Variants in DOCK6 observed in about 807,000 individuals in gnomAD.
DOCK6 encodes dedicator of cytokinesis protein 6.
Under a neutral mutation model 230.3 loss-of-function variants are expected in DOCK6, and 167 were observed. That is an observed-to-expected ratio of 0.73 (90% CI 0.64 to 0.82). DOCK6 has a LOEUF of 0.82. DOCK6 is among the 40% of genes least tolerant of loss of function. The pLI is 0.00. For synonymous variants in DOCK6, 1,148 were observed against 1,185.0 expected (o/e 0.97, Z 0.64); for missense variants, 2,598 against 2,825.8 (o/e 0.92, Z 1.83).
At chr19:11,239,847 T>G (rs761644691) in intron 14 of DOCK6, 1 of 1,600,772 alleles carries the variant, frequency 6.2e-7, no homozygotes, top group Non-Finnish European at 8.5e-7. Flanking sequence ...TGGGTCTCTA[T>G]GGCCGCACAA....
rs954666993 is a variant in DOCK6 at position 11,219,182 on chromosome 19, T to G, written c.3551-1791A>C. Among the ~76,000 whole-genome samples the G allele has an allele frequency of 6.6e-4, 78 of 118,326 alleles. 1 individual carries two copies. Among genetic ancestry groups the G allele is most frequent in the Middle Eastern group, 5.0e-3 (1 of 200 alleles). The allele number at this position is 118,326 out of a possible 152,430, so 77.6% of individuals were successfully genotyped here. ...ATGAGCCACTGCGCCCGGTTTTTTT[T>G]TTTTTTTTTTTTTTTTTTTGAGATG... On this transcript the variant is annotated intron_variant, in intron 28 of 47. Transcript: ENST00000294618.
intron 13 of DOCK6, 114 bp from the exon 14 acceptor site, chr19:11,242,321 G>T: frequency 8.8e-7 from 1 of 1,133,230 alleles, no homozygotes; most frequent in Non-Finnish European, 1.1e-6. Flanking sequence ...GGGACTGGGG[G>T]CTGTGTCCCT....
chr19:11,253,741 A>T lies in DOCK6; in HGVS notation c.45-15T>A, dbSNP rs750013510. 28 of 1,468,418 alleles carry T rather than the reference A, an allele frequency of 1.9e-5. No individual in the cohort carries two copies. The Admixed American group carries it at 8.4e-4, about 44-fold the overall frequency. 91.0% of individuals were successfully genotyped at this position (1,468,418 alleles called of 1,614,324 possible). ...CGGCCACCGTCCTGGAAAGATAGGGAGGGGGCCATTGGGGACGGGAAAACT... is the reference window on the plus strand; with the variant it reads ...CGGCCACCGTCCTGGAAAGATAGGGTGGGGGCCATTGGGGACGGGAAAACT... On this transcript the variant is annotated splice_polypyrimidine_tract_variant and intron_variant, in intron 1 of 47. Coordinates refer to ENST00000294618, the MANE Select transcript of DOCK6 (RefSeq NM_020812.4).
rs1372042542 is a variant in DOCK6 at position 11,222,642 on chromosome 19, G to A, written c.3240+93C>T. 14 of 1,345,894 alleles carry A rather than the reference G, an allele frequency of 1.0e-5. No individual in the cohort carries two copies. The highest frequency in any genetic ancestry group is 2.5e-5 in the Admixed American group (1 of 39,940). 83.4% of individuals were successfully genotyped at this position (1,345,894 alleles called of 1,614,324 possible). ...TAGTTCACCTAGGCAGTGGTCCACCGTGAAAGGGACAGAGATGAGGGAACC... is the reference window on the plus strand; with the variant it reads ...TAGTTCACCTAGGCAGTGGTCCACCATGAAAGGGACAGAGATGAGGGAACC... On this transcript the variant is annotated intron_variant, in intron 26 of 47. Transcript: ENST00000294618. The surrounding 1 kb of genome is among the most constrained non-coding windows in gnomAD (Gnocchi z 4.0).
chr19:11,246,820 A>G (rs2080041967), intron 7 of DOCK6, among the ~76,000 whole-genome samples: 1 of 151,692 alleles, frequency 6.6e-6, no homozygotes. Flanking sequence ...TCCCTGTCTT[A>G]CTCCACCTTG....
rs573654195 is a variant in DOCK6 at position 11,201,996 on chromosome 19, G to A, written c.5581C>T (p.Arg1861Cys). The change falls in exon 44 of 48, where the codon CGC becomes TGC. Residue 1861 changes from arginine (R) to cysteine (C), a missense_variant. Coordinates refer to ENST00000294618, the MANE Select transcript of DOCK6 (RefSeq NM_020812.4). The surrounding 1 kb of genome is among the most constrained non-coding windows in gnomAD (Gnocchi z 4.3). ...LFCTPFTPDG[R>C]AHGELPEQHK... ...TGCTCGGGCAGCTCCCCGTGTGCGC[G>A]CCCATCCGGCGTGAACGGCGTGCAG... The A allele has an allele frequency of 3.7e-5, 60 of 1,613,880 alleles. No homozygotes were observed. The highest frequency in any genetic ancestry group is 2.7e-4 in the Admixed American group (16 of 60,000).
At position 11,248,109 on chromosome 19, in the gene DOCK6, C is replaced by T; in HGVS notation, c.763G>A (p.Glu255Lys). The change falls in exon 7 of 48, where the codon GAG (glutamate) becomes AAG (lysine). Residue 255 changes from glutamate to lysine, a missense_variant. Glu to Lys is a moderately conservative substitution (Grantham distance 56). Transcript: ENST00000294618. ...ERCSRPEPPR[E>K]HFGQRILVKC... ...ACCAAGATCCTTTGTCCAAAGTGCT[C>T]GCGGGGTGGCTCTGGGCGGCTACAG... 6 of 1,600,904 alleles carry T rather than the reference C, an allele frequency of 3.7e-6. No individual in the cohort carries two copies. The highest frequency in any genetic ancestry group is 5.1e-6 in the Non-Finnish European group (6 of 1,172,348).
chr19:11,217,293 C>T lies in DOCK6; in HGVS notation c.3649G>A (p.Ala1217Thr), dbSNP rs1342612871. The T allele has an allele frequency of 6.2e-7, 1 of 1,612,808 alleles. No homozygotes were observed. The highest frequency in any genetic ancestry group is 1.3e-5 in the African/African-American group (1 of 74,922). Residue 1217 changes from alanine (A) to threonine (T), a missense_variant, in exon 29 of 48, where the codon GCC (alanine) becomes ACC (threonine). Ala to Thr is a moderately conservative substitution (Grantham distance 58, BLOSUM62 0). Coordinates refer to ENST00000294618, the MANE Select transcript of DOCK6 (RefSeq NM_020812.4). ...AGTINPSVAM[A>T]IAGGPLAPGS... ...GGGGCTAGGGGGCCACCAGCAATGG[C>T]CATGGCCACAGAGGGGTTGATGGTA... is the stretch of plus-strand genomic sequence containing the variant.
At chr19:11,254,991 C>A (rs1014570785) in intron 1 of DOCK6, among the ~76,000 whole-genome samples, 6 of 152,168 alleles carry the variant, frequency 3.9e-5, no homozygotes. Context: ...GGGCCTTGCA[C>A]ATACTAGGCA....
chr19:11,233,061 C>G (rs948986356), intron 22 of DOCK6, 142 bp downstream of exon 22: 1 of 1,194,642 alleles, frequency 8.4e-7, no homozygotes, highest in African/African-American at 1.5e-5. Context: ...GACAGCCCAG[C>G]CCAACTCTGC....
rs901375344 is a variant in DOCK6, at chr19:11,243,230, G to A, written c.1386+28C>T. 1.2e-5 allele frequency: 19 copies of A among 1,613,244 alleles called. No homozygotes were observed. The highest frequency in any genetic ancestry group is 1.6e-5 in the Non-Finnish European group (19 of 1,179,632). On this transcript the variant is annotated intron_variant, in intron 12 of 47. Coordinates refer to ENST00000294618, the MANE Select transcript of DOCK6 (RefSeq NM_020812.4). This position sits in a 1 kb window ranked among gnomAD's most constrained non-coding sequence, Gnocchi z 6.3. ...GGCTAATGCAGCCAGCGGGGAGTGG[G>A]AGAGTCCCTGGCCCCAGGGTAGGAC...
intron 31 of DOCK6, 51 bp from the exon 32 acceptor site, chr19:11,215,522 G>T: frequency 6.5e-7 from 1 of 1,527,410 alleles, no homozygotes; most frequent in Non-Finnish European, 9.0e-7. Context: ...CAGGGCACAC[G>T]TGAACATCAG....
intron 30 of DOCK6, 161 bp from the exon 31 acceptor site, chr19:11,216,088 A>C: frequency 2.2e-6 from 2 of 898,856 alleles, no homozygotes; most frequent in Non-Finnish European, 1.6e-6. Flanking sequence ...ACCAAAAAAA[A>C]AATTTTTTTT....
intron 28 of DOCK6, 121 bp downstream of exon 28, chr19:11,221,730 C>T: frequency 2.0e-6 from 3 of 1,482,898 alleles, no homozygotes; most frequent in South Asian, 2.4e-5. Context: ...CTTTAACCTG[C>T]TCTGCTAATC....
At chr19:11,212,926 A>G (rs2079415745) in intron 35 of DOCK6, among the ~76,000 whole-genome samples, 1 of 139,160 alleles carries the variant, frequency 7.2e-6, no homozygotes, top group South Asian at 2.3e-4. Flanking sequence ...GCTGGAGTGC[A>G]GTGGCACAGT....
chr19:11,246,962 G>A (rs751271845), intron 7 of DOCK6, among the ~76,000 whole-genome samples: 2 of 152,190 alleles, frequency 1.3e-5, no homozygotes, highest in Non-Finnish European at 2.9e-5. Flanking sequence ...TGCAAGGGAA[G>A]CTGTCCCAGA....
chr19:11,221,998 CCTT>C lies in DOCK6; in HGVS notation c.3400_3402del (p.Lys1134del), dbSNP rs755047654. ...AGCAGGCTGTGCACAGCACTGATGG[CCTT>C]CTTGTGCAACAGGAATGCCCTATGG... On this transcript the variant is annotated inframe_deletion, in exon 28 of 48. Coordinates refer to ENST00000294618, the MANE Select transcript of DOCK6 (RefSeq NM_020812.4). 17 of 1,611,484 alleles carry C rather than the reference CCTT, an allele frequency of 1.1e-5. No homozygotes were observed. The highest frequency in any genetic ancestry group is 2.2e-5 in the East Asian group (1 of 44,802).
chr19:11,200,902 G>C lies in DOCK6; in HGVS notation c.5832+7C>G. On this transcript the variant is annotated splice_region_variant and intron_variant, in intron 45 of 47. Transcript: ENST00000294618. The surrounding 1 kb of genome is among the most constrained non-coding windows in gnomAD (Gnocchi z 4.3). ...TGCGGCTTGCATCCCCCTTCCACCA[G>C]CCGTGCCTGGTTCACGGTGGGCCCT... 1 of 1,613,862 alleles carries C rather than the reference G, an allele frequency of 6.2e-7. No homozygotes were observed. The highest frequency in any genetic ancestry group is 8.5e-7 in the Non-Finnish European group (1 of 1,179,862).
At chr19:11,235,877 ATTTTTT>A (rs56665433) in intron 20 of DOCK6, 118 bp from the exon 21 acceptor site, 40 of 886,092 alleles carry the variant, frequency 4.5e-5, no homozygotes, top group African/African-American at 8.3e-5. Context: ...GGGGTCACAA[ATTTTTT>A]TTTTTTTTTT....
Sources: gnomAD v4.1 joint callset for allele counts (sites outside exome capture counted in the v4.1 genomes callset) on GRCh38, gnomAD v4.1.1 for gene constraint, Gnocchi (gnomAD v3.1) non-coding constraint, MANE v1.5 for transcripts, NCBI Gene and HGNC (gene_info 2026-07-23, HGNC 2026-07-21) for gene names.